Variants in C4orf51 observed in about 807,000 individuals in gnomAD.
C4orf51 encodes the protein uncharacterized protein C4orf51.
In C4orf51, 25 loss-of-function variants were observed where a neutral mutation model predicts 25.2. The observed-to-expected ratio is 0.99, with a 90% CI of 0.72 to 1.39. C4orf51 has a LOEUF of 1.39. Ranked by LOEUF, C4orf51 falls within the 40% of genes most tolerant of loss-of-function variation. The probability of loss-of-function intolerance (pLI) is 0.00; values close to 1 mark genes in which losing one functional copy is unlikely to be tolerated. For missense variants in C4orf51, 252 were observed against 239.6 expected, an observed-to-expected ratio of 1.05 and a Z score of -0.34; for synonymous variants, 100 against 84.5, an observed-to-expected ratio of 1.18 and a Z score of -1.01.
chr4:145,714,872 C>T (rs1425083146), intron 2 of C4orf51, among the ~76,000 whole-genome samples: 6 of 152,142 alleles, frequency 3.9e-5, no homozygotes, highest in Admixed American at 6.5e-5. Context: ...ATGGATGCGC[C>T]CATTCCACCC....
downstream of C4orf51, among the ~76,000 whole-genome samples, chr4:145,734,503 C>T (rs1463376524): frequency 6.6e-6 from 1 of 152,128 alleles, no homozygotes; most frequent in African/African-American, 2.4e-5. Flanking sequence ...AGTGGCACAT[C>T]CTGAATCTCC....
At chr4:145,779,035 A>G in the C4orf51 span, among the ~76,000 whole-genome samples, 2 of 152,160 alleles carry the variant, frequency 1.3e-5, no homozygotes, top group Non-Finnish European at 2.9e-5. Context: ...ACCCACAACA[A>G]TAAGATAAAA....
At chr4:145,692,708 G>A (rs1729665548) in intron 1 of C4orf51, among the ~76,000 whole-genome samples, 1 of 152,150 alleles carries the variant, frequency 6.6e-6, no homozygotes, top group African/African-American at 2.4e-5. Flanking sequence ...CAGAGTTACA[G>A]GTTCCTGAAG....
At chr4:145,776,428 T>C in the C4orf51 span, among the ~76,000 whole-genome samples, 1 of 149,300 alleles carries the variant, frequency 6.7e-6, no homozygotes, top group East Asian at 2.0e-4. Flanking sequence ...ATCACTGCAC[T>C]CCAGCCTGGG....
intron 1 of C4orf51, among the ~76,000 whole-genome samples, chr4:145,680,921 A>G (rs1339599945): frequency 7.2e-5 from 11 of 152,224 alleles, no homozygotes; most frequent in Admixed American, 7.2e-4. Flanking sequence ...ACTTCAGTTT[A>G]TAAAGTGACT....
intron 5 of C4orf51, 107 bp downstream of exon 5, chr4:145,730,072 T>C (rs1579004030): frequency 1.1e-6 from 1 of 874,782 alleles, no homozygotes; most frequent in Non-Finnish European, 1.9e-6. Context: ...TGTGTATGTT[T>C]AGAGTTGGTA....
At chr4:145,737,736 C>T (rs1401411512), downstream of C4orf51, among the ~76,000 whole-genome samples, 1 of 152,202 alleles carries the variant, frequency 6.6e-6, no homozygotes, top group African/African-American at 2.4e-5. Context: ...GGTTGATGAG[C>T]AGTATCCTTT....
intron 2 of C4orf51, among the ~76,000 whole-genome samples, chr4:145,720,299 A>G (rs1731659138): frequency 6.6e-6 from 1 of 152,160 alleles, no homozygotes; most frequent in Non-Finnish European, 1.5e-5. Flanking sequence ...TTTTCCCAGC[A>G]GAGGAAACTT....
chr4:145,783,166 G>A, the C4orf51 span, among the ~76,000 whole-genome samples: 1 of 152,202 alleles, frequency 6.6e-6, no homozygotes, highest in Non-Finnish European at 1.5e-5. Context: ...CTTCCCTGGG[G>A]TAAAGGTTTT....
Position 145,761,381 on chromosome 4 carries a change from C to T in C4orf51, n.167-9607C>T, listed in dbSNP as rs1734468043. ...GGCCGCTCCCCGGTGTGGACGCGCACGTGCTCGATGAGCTTGTTGGCGGTC... is the reference window on the plus strand; with the variant it reads ...GGCCGCTCCCCGGTGTGGACGCGCATGTGCTCGATGAGCTTGTTGGCGGTC... On this transcript the variant is annotated intron_variant and non_coding_transcript_variant, in intron 1 of 1. Coordinates refer to the C4orf51 transcript ENST00000510096. The surrounding 1 kb of genome is among the most constrained non-coding windows in gnomAD (Gnocchi z 6.8). 1.6e-6 allele frequency: 2 copies of T among 1,289,890 alleles called. No individual in the cohort carries two copies. Among genetic ancestry groups the T allele is most frequent in the South Asian group, 1.2e-5 (1 of 81,052 alleles). The allele number at this position is 1,289,890 out of a possible 1,614,324, so 79.9% of individuals were successfully genotyped here.
chr4:145,720,815 G>T (rs571206846), intron 2 of C4orf51, among the ~76,000 whole-genome samples: 1 of 152,120 alleles, frequency 6.6e-6, no homozygotes, highest in Admixed American at 6.5e-5. Context: ...AGACAGGCAG[G>T]CTGCTCCCTC....
chr4:145,712,393 G>A (rs1252863927), intron 2 of C4orf51, among the ~76,000 whole-genome samples: 1 of 152,210 alleles, frequency 6.6e-6, no homozygotes, highest in Non-Finnish European at 1.5e-5. Flanking sequence ...AATTAAAGGT[G>A]CTACTCCAGT....
chr4:145,684,319 A>G (rs556765838), intron 1 of C4orf51, among the ~76,000 whole-genome samples: 149 of 152,206 alleles, frequency 9.8e-4, no homozygotes, highest in African/African-American at 3.4e-3. Context: ...CGTCTCTACT[A>G]AAAATACAAA....
intron 2 of C4orf51, among the ~76,000 whole-genome samples, chr4:145,709,842 C>T (rs946234793): frequency 6.6e-6 from 1 of 152,108 alleles, no homozygotes; most frequent in African/African-American, 2.4e-5. Context: ...TCTTTCCCAC[C>T]CCTACAAGCT....
chr4:145,763,922 C>T lies in C4orf51; in HGVS notation n.167-7066C>T, dbSNP rs1313793785. Among the ~76,000 whole-genome samples the T allele has an allele frequency of 1.3e-5, 2 of 151,722 alleles. No individual in the cohort carries two copies. Among genetic ancestry groups the T allele is most frequent in the African/African-American group, 4.8e-5 (2 of 41,272 alleles). On this transcript the variant is annotated intron_variant and non_coding_transcript_variant, in intron 1 of 1. Transcript: ENST00000510096. The surrounding 1 kb of genome is among the most constrained non-coding windows in gnomAD (Gnocchi z 4.6). ...GAGGTCCTGTTGTTCCCTGACTCTT[C>T]TATGTGGGGGAGTTTTTGAGGAGGC...
intron 1 of C4orf51, among the ~76,000 whole-genome samples, chr4:145,753,140 TTGTGTG>T (rs57325282): frequency 0.13 from 19,237 of 145,686 alleles, 1,328 homozygotes; most frequent in African/African-American, 0.18. Flanking sequence ...TATGAAGGTT[TTGTGTG>T]TGTGTGTGTG....
intron 2 of C4orf51, among the ~76,000 whole-genome samples, chr4:145,701,656 TAATC>T (rs1730453865): frequency 6.6e-6 from 1 of 151,662 alleles, no homozygotes; most frequent in Non-Finnish European, 1.5e-5. Flanking sequence ...GTCCCCTTCT[TAATC>T]AATACGGAGG....
At chr4:145,691,139 A>G (rs1729535190) in intron 1 of C4orf51, among the ~76,000 whole-genome samples, 1 of 152,294 alleles carries the variant, frequency 6.6e-6, no homozygotes, top group South Asian at 2.1e-4. Context: ...AAAGGACATG[A>G]ATAGACACTT....
chr4:145,708,008 C>T (rs1730919901), intron 2 of C4orf51, among the ~76,000 whole-genome samples: 1 of 152,168 alleles, frequency 6.6e-6, no homozygotes, highest in Non-Finnish European at 1.5e-5. Flanking sequence ...GACTTTCTGG[C>T]AGAAGGGGCA....
Sources: gnomAD v4.1 joint callset for allele counts (sites outside exome capture counted in the v4.1 genomes callset) on GRCh38, gnomAD v4.1.1 for gene constraint, Gnocchi (gnomAD v3.1) non-coding constraint, MANE v1.5 for transcripts, NCBI Gene and HGNC (gene_info 2026-07-23, HGNC 2026-07-21) for gene names.